The following RIMS1 variants were observed in gnomAD, a reference collection of about 807,000 sequenced individuals.
RIMS1 encodes regulating synaptic membrane exocytosis protein 1.
In RIMS1, 83 loss-of-function variants were observed where a neutral mutation model predicts 214.1. The observed-to-expected ratio is 0.39, with a 90% CI of 0.32 to 0.47. The LOEUF is 0.47. Among genes scored for constraint, RIMS1 ranks in the 20% least tolerant of loss-of-function variants. RIMS1 has a pLI of 0.99. For synonymous variants in RIMS1, 793 were observed against 786.8 expected, an observed-to-expected ratio of 1.01 and a Z score of -0.13; for missense variants, 2,050 against 2,161.8, an observed-to-expected ratio of 0.95 and a Z score of 1.03.
chr6:72,089,017 T>C (rs1835442792), intron 2 of RIMS1, among the ~76,000 whole-genome samples: 1 of 151,858 alleles, frequency 6.6e-6, no homozygotes, highest in African/African-American at 2.4e-5. Context: ...ATCTTAGACT[T>C]AGACTCAGAT....
At chr6:72,299,523 A>G (rs1289070804) in intron 26 of RIMS1, among the ~76,000 whole-genome samples, 3 of 151,830 alleles carry the variant, frequency 2.0e-5, no homozygotes, top group Non-Finnish European at 4.4e-5. Flanking sequence ...CTAGTCAACT[A>G]TATTTTTTTT....
At position 72,048,989 on chromosome 6, in the gene RIMS1, A is replaced by G. The variant is rs532203778; in HGVS notation, c.246-47960A>G. On this transcript the variant is annotated intron_variant, in intron 2 of 33. Transcript: ENST00000521978. ...ATTGCACAAAGCTGGGAGGCTGGAC[A>G]TAGGGGAGAAGGTGGAGTGCTGCTG... 4.6e-5 allele frequency among the ~76,000 whole-genome samples: 7 copies of G among 152,276 alleles called. No homozygotes were observed. The Middle Eastern group carries it at 0.014, about 296-fold the overall frequency.
At chr6:72,107,235 A>G (rs918729319) in intron 4 of RIMS1, among the ~76,000 whole-genome samples, 3 of 152,188 alleles carry the variant, frequency 2.0e-5, no homozygotes, top group African/African-American at 7.2e-5. Context: ...TTGAAGAACA[A>G]ATAAAAGAAC....
At position 72,161,914 on chromosome 6, in the gene RIMS1, C is replaced by T. The variant is rs1239770780; in HGVS notation, c.472-17661C>T. Among the ~76,000 whole-genome samples, 7 of 140,776 alleles carry T rather than the reference C, an allele frequency of 5.0e-5. 2 individuals are homozygous for T. Among genetic ancestry groups the T allele is most frequent in the Non-Finnish European group, 9.7e-5 (6 of 62,000 alleles). 92.4% of individuals were successfully genotyped at this position (140,776 alleles called of 152,430 possible). On this transcript the variant is annotated intron_variant, in intron 4 of 33. Transcript: ENST00000521978. Reference sequence around the variant, plus strand: ...AGATGTCTATTAGGTCCGCTTGGTGCAGAGCTGAGTTCAATTCCTGGATAT... The same window carrying T: ...AGATGTCTATTAGGTCCGCTTGGTGTAGAGCTGAGTTCAATTCCTGGATAT...
At chr6:72,050,359 C>A (rs573673573) in intron 2 of RIMS1, among the ~76,000 whole-genome samples, 1 of 152,144 alleles carries the variant, frequency 6.6e-6, no homozygotes, top group African/African-American at 2.4e-5. Context: ...TCTCTTAAAG[C>A]CTTCTCCATC....
intron 6 of RIMS1, among the ~76,000 whole-genome samples, chr6:72,228,128 CTGTT>C: frequency 6.6e-6 from 1 of 151,890 alleles, no homozygotes. Flanking sequence ...AACTTCCACC[CTGTT>C]TATTATTATC....
chr6:72,357,728 A>G (rs1027685377), intron 29 of RIMS1, among the ~76,000 whole-genome samples: 2 of 152,146 alleles, frequency 1.3e-5, no homozygotes, highest in Non-Finnish European at 2.9e-5. Context: ...TTACATACAT[A>G]TGATATTCAA....
chr6:72,185,427 A>G (rs116170148), intron 6 of RIMS1, among the ~76,000 whole-genome samples: 386 of 151,682 alleles, frequency 2.5e-3, no homozygotes, highest in African/African-American at 9.0e-3. Flanking sequence ...GGATATGATG[A>G]AAAAAAAAGG....
chr6:71,986,190 G>GTTTTTTTT (rs35395914), intron 2 of RIMS1, among the ~76,000 whole-genome samples: 3 of 131,782 alleles, frequency 2.3e-5, no homozygotes, highest in Non-Finnish European at 1.6e-5. Context: ...TTTGGGTTTT[G>GTTTTTTTT]TTTTTTTTTT....
chr6:72,146,286 C>T (rs955196722), intron 4 of RIMS1, among the ~76,000 whole-genome samples: 1 of 152,208 alleles, frequency 6.6e-6, no homozygotes, highest in African/African-American at 2.4e-5. Flanking sequence ...TGTCACGTGT[C>T]TTTCCCTTCT....
chr6:71,994,178 T>C (rs1379690693), intron 2 of RIMS1, among the ~76,000 whole-genome samples: 1 of 152,208 alleles, frequency 6.6e-6, no homozygotes, highest in Non-Finnish European at 1.5e-5. Flanking sequence ...TCATTTTCAA[T>C]ATGGAGGATT....
intron 4 of RIMS1, among the ~76,000 whole-genome samples, chr6:72,166,711 A>AT (rs1229053483): frequency 0.14 from 1,136 of 8,036 alleles, 32 homozygotes; most frequent in Admixed American, 0.43. Context: ...TCCCGTCTCT[A>AT]TTTTAAAAAA....
chr6:71,897,919 A>G (rs1463026315), intron 1 of RIMS1, among the ~76,000 whole-genome samples: 5 of 152,190 alleles, frequency 3.3e-5, no homozygotes, highest in African/African-American at 1.2e-4. Context: ...GAGTGGGATG[A>G]TTATTCTAAC....
At position 72,390,622 on chromosome 6, in the gene RIMS1, G is replaced by A; in HGVS notation, c.4391G>A (p.Ser1464Asn). ...GAGTCGGGCCACAAAAAGTTAAAAA[G>A]TACCATCCAGAGAAGCACAGAAACA... ...QTESGHKKLK[S>N]TIQRSTETGM... Residue 1464 changes from serine to asparagine, a missense_variant, in exon 30 of 34, where the codon AGT (serine) becomes AAT (asparagine). Coordinates refer to ENST00000521978, the MANE Select transcript of RIMS1 (RefSeq NM_014989.7). 2.5e-6 allele frequency: 4 copies of A among 1,613,574 alleles called. No homozygotes were observed. The highest frequency in any genetic ancestry group is 2.5e-6 in the Non-Finnish European group (3 of 1,179,670).
intron 4 of RIMS1, among the ~76,000 whole-genome samples, chr6:72,162,872 T>G (rs2045660056): frequency 7.2e-6 from 1 of 139,106 alleles, no homozygotes; most frequent in African/African-American, 2.5e-5. Context: ...TGTCTTGGAG[T>G]TGCTCTTCTC....
rs2063731646 is a variant in RIMS1 at position 72,235,678 on chromosome 6, A to C, written c.1807A>C (p.Asn603His). Residue 603 changes from asparagine (N) to histidine (H), a missense_variant, in exon 8 of 34, where the codon AAC becomes CAC. Transcript: ENST00000521978. ...GDRLIGRVIL[N>H]KRTTMPKDSG... ...CCGATTAATTGGACGTGTTATTCTT[A>C]ACAAGAGAACAACCATGCCCAAAGA... The C allele has an allele frequency of 5.0e-6, 8 of 1,610,682 alleles. No individual in the cohort carries two copies. Among genetic ancestry groups the C allele is most frequent in the Non-Finnish European group, 6.8e-6 (8 of 1,178,184 alleles).
intron 2 of RIMS1, among the ~76,000 whole-genome samples, chr6:72,044,066 G>A (rs1419691012): frequency 1.3e-5 from 2 of 151,482 alleles, no homozygotes; most frequent in African/African-American, 4.8e-5. Flanking sequence ...ATTTTTCTGA[G>A]AAATCAGTAA....
intron 2 of RIMS1, among the ~76,000 whole-genome samples, chr6:72,059,749 G>A (rs949555660): frequency 7.9e-5 from 12 of 152,052 alleles, no homozygotes; most frequent in Non-Finnish European, 1.3e-4. Context: ...AACTGAATTC[G>A]TCTTTCAGTC....
intron 4 of RIMS1, among the ~76,000 whole-genome samples, chr6:72,105,573 A>G (rs1246187332): frequency 6.6e-6 from 1 of 152,132 alleles, no homozygotes; most frequent in African/African-American, 2.4e-5. Flanking sequence ...TAATTTTATT[A>G]TGACTACATT....
Sources: gnomAD v4.1 joint callset for allele counts (sites outside exome capture counted in the v4.1 genomes callset) on GRCh38, gnomAD v4.1.1 for gene constraint, MANE v1.5 for transcripts, NCBI Gene and HGNC (gene_info 2026-07-23, HGNC 2026-07-21) for gene names.